SLC12A8: variants seen among roughly 807,000 people sequenced by gnomAD.
SLC12A8 encodes cation-chloride cotransporter 9.
Under a neutral mutation model 75.6 loss-of-function variants are expected in SLC12A8, and 69 were observed. The ratio of observed to expected loss-of-function variants is 0.91; its 90% CI spans 0.75 to 1.11. The LOEUF is 1.11. Among genes scored for constraint, SLC12A8 ranks in the 50% most tolerant of loss-of-function variants. SLC12A8 has a pLI of 0.00. For missense variants in SLC12A8, 877 were observed against 896.7 expected (o/e 0.98, Z 0.28); for synonymous variants, 365 against 372.8 (o/e 0.98, Z 0.24).
At chr3:125,212,373 G>A (rs564252099) in intron 1 of SLC12A8, among the ~76,000 whole-genome samples, 25 of 151,964 alleles carry the variant, frequency 1.6e-4, no homozygotes, top group Admixed American at 1.2e-3. Context: ...GCCTCCGCTC[G>A]CCCTTCCCGC....
At chr3:125,200,385 G>C (rs1409740434) in intron 2 of SLC12A8, among the ~76,000 whole-genome samples, 1 of 152,146 alleles carries the variant, frequency 6.6e-6, no homozygotes. Context: ...GGAGGTTAAG[G>C]CTCCAGTGAG....
intron 5 of SLC12A8, among the ~76,000 whole-genome samples, chr3:125,175,506 C>G (rs1934499775): frequency 6.6e-6 from 1 of 152,204 alleles, no homozygotes; most frequent in African/African-American, 2.4e-5. Context: ...CTTAGAAGAG[C>G]AGCCAAGAAC....
At chr3:125,116,744 A>G (rs1429482947) in intron 8 of SLC12A8, among the ~76,000 whole-genome samples, 3 of 152,226 alleles carry the variant, frequency 2.0e-5, no homozygotes, top group Non-Finnish European at 4.4e-5. Flanking sequence ...TGTGAAGGAA[A>G]GCATGAGAAA....
chr3:125,192,659 T>C (rs1218463270), intron 2 of SLC12A8: 1 of 154,376 alleles, frequency 6.5e-6, no homozygotes, highest in Non-Finnish European at 1.5e-5. Context: ...GGTAGAAACT[T>C]AGAGCAGGTA....
Position 125,211,345 on chromosome 3 carries a change from G to T in SLC12A8, c.5C>A (p.Thr2Asn). The T allele has an allele frequency of 1.2e-6, 2 of 1,613,686 alleles. No homozygotes were observed. Among genetic ancestry groups the T allele is most frequent in the South Asian group, 1.1e-5 (1 of 91,084 alleles). Residue 2 changes from threonine to asparagine, a missense_variant, in exon 2 of 14, where the codon ACC (threonine) becomes AAC (asparagine). By Grantham distance (65) the Thr-to-Asn change is moderately conservative (BLOSUM62 0). Transcript: ENST00000469902. M[T>N]QMSQVQELFH... is the part of the protein sequence containing the mutation. The stretch of plus-strand genomic sequence containing the variant: ...GAGCTCCTGCACCTGGGACATCTGG[G>T]TCATTCTCCAGCAAGCAGGGATCCT...
intron 4 of SLC12A8, among the ~76,000 whole-genome samples, chr3:125,178,618 G>A (rs1296059661): frequency 6.6e-6 from 1 of 152,142 alleles, no homozygotes; most frequent in Non-Finnish European, 1.5e-5. Flanking sequence ...CAGTACAGAT[G>A]CAAATAACTT....
chr3:125,181,851 T>C (rs1934670810), intron 4 of SLC12A8, among the ~76,000 whole-genome samples: 1 of 151,742 alleles, frequency 6.6e-6, no homozygotes, highest in Admixed American at 6.6e-5. Context: ...TGCAAAAATA[T>C]AGACTATTAG....
chr3:125,203,539 C>A (rs750872280), intron 2 of SLC12A8, among the ~76,000 whole-genome samples: 24 of 152,158 alleles, frequency 1.6e-4, no homozygotes, highest in Non-Finnish European at 2.8e-4. Flanking sequence ...TATCCACATG[C>A]AGAAGAATGA....
chr3:125,114,991 G>A (rs1022054219), intron 8 of SLC12A8, among the ~76,000 whole-genome samples: 3 of 152,160 alleles, frequency 2.0e-5, no homozygotes, highest in African/African-American at 7.2e-5. Context: ...TGGATTTGTG[G>A]GGAGAAAATG....
At chr3:125,178,896 A>T (rs12637135) in intron 4 of SLC12A8, among the ~76,000 whole-genome samples, 9,569 of 152,216 alleles carry the variant, frequency 0.063, 418 homozygotes, top group East Asian at 0.21. Flanking sequence ...ATCTTTTTTT[A>T]AAAAAATGAA....
intron 10 of SLC12A8, among the ~76,000 whole-genome samples, chr3:125,104,507 G>GAAAAAA (rs35777145): frequency 8.0e-6 from 1 of 125,228 alleles, no homozygotes. Context: ...GTTCAAATTA[G>GAAAAAA]AAAAAAAAAA....
intron 10 of SLC12A8, among the ~76,000 whole-genome samples, chr3:125,098,023 G>A (rs961633286): frequency 1.3e-5 from 2 of 152,074 alleles, no homozygotes; most frequent in Non-Finnish European, 2.9e-5. Context: ...TAAGTTCTAT[G>A]TTCACAGCAG....
At chr3:125,202,159 C>T (rs1192791338) in intron 2 of SLC12A8, among the ~76,000 whole-genome samples, 1 of 152,252 alleles carries the variant, frequency 6.6e-6, no homozygotes, top group Admixed American at 6.5e-5. Flanking sequence ...ATCTGCTCAC[C>T]TCGGCCTCCC....
rs988453018 is a variant in SLC12A8, at chr3:125,108,363, A to G, written c.1060-237T>C. On this transcript the variant is annotated intron_variant, in intron 9 of 13. Coordinates refer to ENST00000469902, the MANE Select transcript of SLC12A8 (RefSeq NM_024628.6). ...TCCACAGATATTAGTTGCATTAGCA[A>G]CTTTTTTTTTTTTTTCTTTTTTTGA... Among the ~76,000 whole-genome samples the G allele has an allele frequency of 2.6e-5, 4 of 150,986 alleles. No homozygotes were observed. The East Asian group carries it at 5.8e-4, about 22-fold the overall frequency.
chr3:125,091,509 G>C lies in SLC12A8; in HGVS notation c.1851C>G (p.Thr617=). The change falls in exon 12 of 14, where the codon ACC becomes ACG. Residue 617 remains threonine, a synonymous_variant. Transcript: ENST00000469902. ...LIMFVIQWVY[T]LVNMGVAAIV... ...TGGCAGCAACACCCATGTTAACCAGGGTATACACCCACTGTATCACAAACA... is the reference window on the plus strand; with the variant it reads ...TGGCAGCAACACCCATGTTAACCAGCGTATACACCCACTGTATCACAAACA... 6.2e-7 allele frequency: 1 copy of C among 1,613,862 alleles called. No individual in the cohort carries two copies. The highest frequency in any genetic ancestry group is 8.5e-7 in the Non-Finnish European group (1 of 1,179,872).
chr3:125,088,397 T>G, intron 12 of SLC12A8, 27 bp from the exon 13 acceptor site: 1 of 1,612,204 alleles, frequency 6.2e-7, no homozygotes, highest in East Asian at 2.2e-5. Context: ...TACATAACCA[T>G]TTTTGAAGGT....
rs375053981 is a variant in SLC12A8, at chr3:125,147,960, C to T, written c.623-12178G>A. On this transcript the variant is annotated intron_variant, in intron 5 of 13. Coordinates refer to ENST00000469902, the MANE Select transcript of SLC12A8 (RefSeq NM_024628.6). ...ACTTTGTGCCAGGCATGACACTAGG[C>T]CTCTTATAAACATTATCTTATTTTA... 4.0e-3 allele frequency among the ~76,000 whole-genome samples: 605 copies of T among 152,252 alleles called. 8 individuals are homozygous for T. Among genetic ancestry groups the T allele is most frequent in the African/African-American group, 0.014 (577 of 41,554 alleles).
At chr3:125,192,982 G>C (rs1341150228) in intron 2 of SLC12A8, among the ~76,000 whole-genome samples, 1 of 152,182 alleles carries the variant, frequency 6.6e-6, no homozygotes, top group Non-Finnish European at 1.5e-5. Flanking sequence ...AGGGGAAGAG[G>C]ATGAGATGGA....
intron 4 of SLC12A8, among the ~76,000 whole-genome samples, chr3:125,182,786 G>A (rs1044966790): frequency 2.2e-4 from 33 of 152,244 alleles, no homozygotes; most frequent in East Asian, 1.9e-4. Context: ...GATTACAGGC[G>A]TGAGCCACCG....
Sources: allele counts gnomAD v4.1 joint callset (sites outside exome capture counted in the v4.1 genomes callset), GRCh38; gene constraint gnomAD v4.1.1; transcripts MANE v1.5; gene names NCBI Gene and HGNC (gene_info 2026-07-23, HGNC 2026-07-21).